TESMIN: variants seen among roughly 807,000 people sequenced by gnomAD.
TESMIN encodes CXC domain containing 2.
TESMIN carries 34 observed loss-of-function variants against 47.4 expected under a neutral mutation model. The observed-to-expected ratio is 0.72, with a 90% CI of 0.55 to 0.96. The LOEUF (loss-of-function observed/expected upper bound fraction) is 0.96, where lower values mean the gene tolerates loss of function less well. Ranked by LOEUF, TESMIN falls within the 40% of genes least tolerant of loss-of-function variation. The pLI, the probability that TESMIN is intolerant of heterozygous loss-of-function variation, is 0.00. For missense variants in TESMIN, 610 were observed against 637.2 expected, an observed-to-expected ratio of 0.96 and a Z score of 0.46; for synonymous variants, 278 against 258.9, an observed-to-expected ratio of 1.07 and a Z score of -0.71.
intron 1 of TESMIN, among the ~76,000 whole-genome samples, chr11:68,751,169 TGGGGGTCAGGTGAGGGGCGCCCAGGGGA>T (rs1946602180): frequency 5.5e-4 from 16 of 29,334 alleles, no homozygotes; most frequent in African/African-American, 1.7e-3. Context: ...CCGGCCGGGG[TGGGGGTCAGGTGAGGGGCGCCCAGGGGA>T]GGGGGCCAGG....
At chr11:68,709,531 CA>C (rs1425467449) in intron 9 of TESMIN, among the ~76,000 whole-genome samples, 1 of 152,218 alleles carries the variant, frequency 6.6e-6, no homozygotes, top group Non-Finnish European at 1.5e-5. Flanking sequence ...CCACTGAGCT[CA>C]GGGGGCAACT....
intron 6 of TESMIN, among the ~76,000 whole-genome samples, chr11:68,725,755 G>A (rs1017852565): frequency 6.6e-6 from 1 of 152,076 alleles, no homozygotes; most frequent in African/African-American, 2.4e-5. Flanking sequence ...CTACAGGTGT[G>A]AGCTACCATG....
At chr11:68,716,113 C>T (rs994735048) in intron 6 of TESMIN, among the ~76,000 whole-genome samples, 174 bp from the exon 7 acceptor site, 2 of 152,228 alleles carry the variant, frequency 1.3e-5, no homozygotes, top group Non-Finnish European at 2.9e-5. Context: ...TAGGATAATG[C>T]TCACCAGTGA....
At chr11:68,750,062 G>A (rs1347537913) in intron 2 of TESMIN, 128 bp downstream of exon 2, 4 of 714,932 alleles carry the variant, frequency 5.6e-6, no homozygotes, top group Non-Finnish European at 8.4e-6. Context: ...CAGTGACTCC[G>A]GTGGGCTGTG....
chr11:68,750,626 C>A lies in TESMIN; in HGVS notation c.35G>T (p.Ser12Ile). Reference protein sequence around the residue: ...EEGPLPGGLPSPEDAMVTELL... With the variant: ...EEGPLPGGLPIPEDAMVTELL... ...CTCCGTCACCATCGCATCCTCGGGGCTGGGCAGCCCGCCCGGCAGAGGGCC... is the reference window on the plus strand; with the variant it reads ...CTCCGTCACCATCGCATCCTCGGGGATGGGCAGCCCGCCCGGCAGAGGGCC... Residue 12 changes from serine (S) to isoleucine (I), a missense_variant, in exon 2 of 10, where the codon AGC becomes ATC. By Grantham distance (142) the Ser-to-Ile change is moderately radical (BLOSUM62 -2). Coordinates refer to ENST00000255087, the MANE Select transcript of TESMIN (RefSeq NM_004923.3). The A allele has an allele frequency of 6.3e-7, 1 of 1,578,094 alleles. No individual in the cohort carries two copies. The highest frequency in any genetic ancestry group is 1.4e-5 in the African/African-American group (1 of 72,996).
chr11:68,713,216 C>T (rs1019834767), intron 8 of TESMIN, 54 bp downstream of exon 8: 3 of 1,518,276 alleles, frequency 2.0e-6, no homozygotes, highest in South Asian at 1.3e-5. Context: ...ACAAAAGTTA[C>T]TCAACATATT....
At chr11:68,729,562 G>A (rs1166372289) in intron 6 of TESMIN, among the ~76,000 whole-genome samples, 2 of 152,006 alleles carry the variant, frequency 1.3e-5, no homozygotes, top group African/African-American at 2.4e-5. Flanking sequence ...CCTCATGGAT[G>A]GCTTTGTGGG....
chr11:68,751,481 G>A lies in TESMIN; in HGVS notation c.-101C>T, dbSNP rs12806107. On this transcript the variant is annotated 5_prime_UTR_variant, in exon 1 of 10. Coordinates refer to ENST00000255087, the MANE Select transcript of TESMIN (RefSeq NM_004923.3). Reference sequence around the variant, plus strand: ...GGGATGGGGCGTGGGCCGGGCCTCAGGCGCAGGCGGCCGTTGGCGGTTGGA... The same window carrying A: ...GGGATGGGGCGTGGGCCGGGCCTCAAGCGCAGGCGGCCGTTGGCGGTTGGA... 6.5e-6 allele frequency: 1 copy of A among 152,850 alleles called. No homozygotes were observed. Among genetic ancestry groups the A allele is most frequent in the African/African-American group, 2.4e-5 (1 of 41,524 alleles). 9.5% of individuals were successfully genotyped at this position (152,850 alleles called of 1,614,324 possible). A position where few individuals can be genotyped will look rare whatever the true frequency, so the allele number is the denominator to read the frequency against.
chr11:68,747,061 C>G, intron 3 of TESMIN, 147 bp downstream of exon 3: 1 of 766,490 alleles, frequency 1.3e-6, no homozygotes, highest in Non-Finnish European at 2.2e-6. Context: ...AGGCTCATGT[C>G]CCTGTTTTGC....
intron 7 of TESMIN, among the ~76,000 whole-genome samples, chr11:68,714,011 C>G (rs1946104108): frequency 6.6e-6 from 1 of 152,232 alleles, no homozygotes; most frequent in Non-Finnish European, 1.5e-5. Flanking sequence ...CTTTCCCAAG[C>G]AATACACACG....
chr11:68,746,082 A>G (rs1035718450), intron 3 of TESMIN, among the ~76,000 whole-genome samples: 1 of 152,260 alleles, frequency 6.6e-6, no homozygotes, highest in Non-Finnish European at 1.5e-5. Context: ...CATTGGATCA[A>G]TATTCCACAT....
chr11:68,750,716 GGT>G lies in TESMIN; in HGVS notation c.-39-19_-39-18del. The G allele has an allele frequency of 7.6e-7, 1 of 1,310,882 alleles. No individual in the cohort carries two copies. Among genetic ancestry groups the G allele is most frequent in the South Asian group, 1.5e-5 (1 of 65,276 alleles). 81.2% of individuals were successfully genotyped at this position (1,310,882 alleles called of 1,614,324 possible). On this transcript the variant is annotated intron_variant, in intron 1 of 9. Transcript: ENST00000255087. ...GCCGCGCACCTGCAACACGCGGCCAGGTGAGAGGCAGCCAGAGGAGAGGACGA... is the reference window on the plus strand; with the variant it reads ...GCCGCGCACCTGCAACACGCGGCCAGGAGAGGCAGCCAGAGGAGAGGACGA...
At chr11:68,738,849 G>A in intron 5 of TESMIN, 61 bp from the exon 6 acceptor site, 1 of 1,388,988 alleles carries the variant, frequency 7.2e-7, no homozygotes, top group Non-Finnish European at 1.0e-6. Context: ...GTTCCAGTCA[G>A]CCAGCCCCCT....
At chr11:68,724,878 T>G (rs1443387721) in intron 6 of TESMIN, among the ~76,000 whole-genome samples, 1 of 152,190 alleles carries the variant, frequency 6.6e-6, no homozygotes, top group Non-Finnish European at 1.5e-5. Context: ...GCAACTATCT[T>G]ATTTAGGGCA....
intron 9 of TESMIN, 53 bp from the exon 10 acceptor site, chr11:68,708,553 A>G: frequency 1.4e-6 from 2 of 1,428,796 alleles, no homozygotes; most frequent in Non-Finnish European, 1.9e-6. Context: ...ATTTCTACCT[A>G]CAGTACTATT....
chr11:68,738,533 C>G, intron 6 of TESMIN, 167 bp downstream of exon 6: 1 of 1,399,202 alleles, frequency 7.1e-7, no homozygotes, highest in African/African-American at 1.5e-5. Flanking sequence ...AAACCAGACA[C>G]AGACAGCAAC....
chr11:68,743,897 G>T (rs1946488874), intron 4 of TESMIN, among the ~76,000 whole-genome samples: 1 of 152,136 alleles, frequency 6.6e-6, no homozygotes, highest in Non-Finnish European at 1.5e-5. Context: ...TATATGATAA[G>T]GAACTTGAAC....
At chr11:68,731,753 C>T (rs1470702146) in intron 6 of TESMIN, among the ~76,000 whole-genome samples, 1 of 152,210 alleles carries the variant, frequency 6.6e-6, no homozygotes, top group Non-Finnish European at 1.5e-5. Context: ...TGGAGAGACA[C>T]CAGCACGAGG....
At chr11:68,724,874 A>G (rs1458591461) in intron 6 of TESMIN, among the ~76,000 whole-genome samples, 1 of 152,198 alleles carries the variant, frequency 6.6e-6, no homozygotes, top group Non-Finnish European at 1.5e-5. Flanking sequence ...TACAGCAACT[A>G]TCTTATTTAG....
Sources: allele counts gnomAD v4.1 joint callset (sites outside exome capture counted in the v4.1 genomes callset), GRCh38; gene constraint gnomAD v4.1.1; transcripts MANE v1.5; gene names NCBI Gene and HGNC (gene_info 2026-07-23, HGNC 2026-07-21).